NEK5: variants seen among roughly 807,000 people sequenced by gnomAD.
NEK5 encodes NIMA related kinase 5.
In NEK5, 88 loss-of-function variants were observed where a neutral mutation model predicts 109.2. The ratio of observed to expected loss-of-function variants is 0.81; its 90% confidence interval spans 0.68 to 0.96. The LOEUF is 0.96. Ranked by LOEUF, NEK5 falls within the 40% of genes least tolerant of loss-of-function variation. NEK5 has a pLI of 0.00. For missense variants in NEK5, 834 were observed against 920.7 expected, an observed-to-expected ratio of 0.91 and a Z score of 1.22; for synonymous variants, 283 against 299.9, an observed-to-expected ratio of 0.94 and a Z score of 0.58.
At chr13:52,067,938 C>T (rs968248720) in intron 20 of NEK5, among the ~76,000 whole-genome samples, 1 of 152,050 alleles carries the variant, frequency 6.6e-6, no homozygotes, top group Non-Finnish European at 1.5e-5. Flanking sequence ...GAGATCTGCC[C>T]ACCTCAGCCT....
At chr13:52,093,664 CTTTT>C (rs911352553) in intron 12 of NEK5, among the ~76,000 whole-genome samples, 4 of 151,860 alleles carry the variant, frequency 2.6e-5, no homozygotes, top group Admixed American at 2.0e-4. Flanking sequence ...TTCTTCTATA[CTTTT>C]TTTTCCAGAA....
chr13:52,047,340 T>C (rs1256257950), intron 23 of NEK5, among the ~76,000 whole-genome samples: 1 of 152,214 alleles, frequency 6.6e-6, no homozygotes, highest in African/African-American at 2.4e-5. Flanking sequence ...GAACCATTTA[T>C]ATAAAAAGAC....
At chr13:52,059,846 C>T (rs543436553) in intron 22 of NEK5, among the ~76,000 whole-genome samples, 1 of 151,884 alleles carries the variant, frequency 6.6e-6, no homozygotes. Context: ...GGAGATATAC[C>T]TAATGCTTGA....
At chr13:52,116,670 T>G (rs779413239) in intron 4 of NEK5, among the ~76,000 whole-genome samples, 1 of 152,206 alleles carries the variant, frequency 6.6e-6, no homozygotes, top group South Asian at 2.1e-4. Flanking sequence ...TAAATAGGTG[T>G]TGTTGTTAAG....
chr13:52,056,744 C>A (rs9535842), intron 22 of NEK5, among the ~76,000 whole-genome samples: 89,292 of 150,576 alleles, frequency 0.59, 28,736 homozygotes, highest in Non-Finnish European at 0.72. Flanking sequence ...GTTCTTTGAA[C>A]CCAACGAGAA....
rs9526825 is a variant in NEK5 at position 52,035,057 on chromosome 13, G to A, written c.*1891C>T. 3 of 151,268 alleles carry A rather than the reference G, an allele frequency of 2.0e-5. No individual in the cohort carries two copies. Among genetic ancestry groups the A allele is most frequent in the Non-Finnish European group, 4.4e-5 (3 of 67,926 alleles). The allele number at this position is 151,268 out of a possible 1,614,324, so 9.4% of individuals were successfully genotyped here. On this transcript the variant is annotated 3_prime_UTR_variant, in exon 24 of 24. Transcript: ENST00000684899. Reference sequence around the variant, plus strand: ...TGAAAGTAAATAAACATGCACATCCGGAGCACTAAAAGAGTTGCAGAATTA... The same window carrying A: ...TGAAAGTAAATAAACATGCACATCCAGAGCACTAAAAGAGTTGCAGAATTA...
chr13:52,055,188 G>A (rs533747988), intron 22 of NEK5, among the ~76,000 whole-genome samples: 7 of 152,282 alleles, frequency 4.6e-5, no homozygotes, highest in Middle Eastern at 3.4e-3. Context: ...CAACTGGAAG[G>A]AAGGGTATCA....
chr13:52,045,385 C>T (rs1482793815), intron 23 of NEK5, among the ~76,000 whole-genome samples: 1 of 150,480 alleles, frequency 6.6e-6, no homozygotes, highest in African/African-American at 2.4e-5. Flanking sequence ...CCTCCTCGGC[C>T]TCCCAAAGTG....
intron 17 of NEK5, among the ~76,000 whole-genome samples, chr13:52,082,709 G>A (rs1955039345): frequency 6.6e-6 from 1 of 152,176 alleles, no homozygotes; most frequent in Non-Finnish European, 1.5e-5. Flanking sequence ...CACTGACTTA[G>A]ACCCTCCAGA....
At chr13:52,127,686 G>C in intron 1 of NEK5, 24 bp from the exon 2 acceptor site, 1 of 520,554 alleles carries the variant, frequency 1.9e-6, no homozygotes, top group Non-Finnish European at 3.4e-6. Flanking sequence ...GAGTTTCTTG[G>C]TCAGACACGG....
chr13:52,124,155 G>A (rs1397273694), intron 3 of NEK5, among the ~76,000 whole-genome samples: 1 of 152,162 alleles, frequency 6.6e-6, no homozygotes, highest in Non-Finnish European at 1.5e-5. Context: ...AATTAGCTGG[G>A]TGTGGTGGCG....
chr13:52,122,066 T>G (rs1955982725), intron 3 of NEK5, among the ~76,000 whole-genome samples: 1 of 152,108 alleles, frequency 6.6e-6, no homozygotes, highest in East Asian at 1.9e-4. Context: ...CATGCCCAGC[T>G]AAATTATGGT....
chr13:52,050,712 G>GTT (rs1226042037), intron 22 of NEK5, among the ~76,000 whole-genome samples: 1 of 119,400 alleles, frequency 8.4e-6, no homozygotes. Context: ...TATTTCATTT[G>GTT]TTTTTTTCTT....
At chr13:52,114,798 G>A (rs1222382402) in intron 4 of NEK5, among the ~76,000 whole-genome samples, 1 of 152,144 alleles carries the variant, frequency 6.6e-6, no homozygotes, top group Non-Finnish European at 1.5e-5. Flanking sequence ...TTACTTTTAG[G>A]AGAATTGATG....
At chr13:52,075,222 A>C (rs1954845832) in intron 19 of NEK5, among the ~76,000 whole-genome samples, 1 of 152,250 alleles carries the variant, frequency 6.6e-6, no homozygotes, top group East Asian at 1.9e-4. Context: ...GAATCAACCT[A>C]GGTGCCCATC....
chr13:52,086,972 G>A (rs1442969834), intron 15 of NEK5, among the ~76,000 whole-genome samples: 2 of 152,186 alleles, frequency 1.3e-5, no homozygotes, highest in African/African-American at 4.8e-5. Flanking sequence ...GAGGGCACTT[G>A]GTCCTGCTGA....
chr13:52,063,757 C>G (rs866454501), intron 21 of NEK5, among the ~76,000 whole-genome samples: 1 of 151,476 alleles, frequency 6.6e-6, no homozygotes, highest in South Asian at 2.1e-4. Flanking sequence ...CGTCTCTGCC[C>G]GGCCACCCCA....
intron 4 of NEK5, among the ~76,000 whole-genome samples, chr13:52,113,391 T>C (rs1476264838): frequency 6.6e-6 from 1 of 151,940 alleles, no homozygotes; most frequent in Non-Finnish European, 1.5e-5. Flanking sequence ...TGATGAAATA[T>C]GAATAGAAAA....
Position 52,097,385 on chromosome 13 carries a change from CG to C in NEK5, c.1026+2357del, listed in dbSNP as rs540367772. Among the ~76,000 whole-genome samples, 369 of 152,312 alleles carry C rather than the reference CG, an allele frequency of 2.4e-3. 2 individuals carry two copies. Among genetic ancestry groups the C allele is most frequent in the Middle Eastern group, 3.4e-3 (1 of 294 alleles). The stretch of plus-strand genomic sequence containing the variant: ...CTCAACAGCAGCCTGTGAGAGCAGC[CG>C]CAGGGGCTGTAGCCTGCAAAGCCTC... On this transcript the variant is annotated intron_variant, in intron 12 of 23. Coordinates refer to ENST00000684899, the MANE Select transcript of NEK5 (RefSeq NM_001365552.1).
Sources: allele counts gnomAD v4.1 joint callset (sites outside exome capture counted in the v4.1 genomes callset), GRCh38; gene constraint gnomAD v4.1.1; transcripts MANE v1.5; gene names NCBI Gene and HGNC (gene_info 2026-07-23, HGNC 2026-07-21).